The following FNDC3A variants were observed in gnomAD, a reference collection of about 807,000 sequenced individuals.
FNDC3A encodes fibronectin type III domain containing 3A.
FNDC3A carries 32 observed loss-of-function variants against 148.9 expected under a neutral mutation model. The ratio of observed to expected loss-of-function variants is 0.21; its 90% CI spans 0.16 to 0.29. The LOEUF (loss-of-function observed/expected upper bound fraction) is 0.29, where lower values mean the gene tolerates loss of function less well. Among genes scored for constraint, FNDC3A ranks in the 10% least tolerant of loss-of-function variants. The probability of loss-of-function intolerance (pLI) is 1.00; values close to 1 mark genes in which losing one functional copy is unlikely to be tolerated. For missense variants in FNDC3A, 1,191 were observed against 1,452.8 expected (o/e 0.82, Z 2.93); for synonymous variants, 472 against 473.6 (o/e 1.00, Z 0.04).
chr13:49,072,553 G>T (rs1345035094), intron 2 of FNDC3A, among the ~76,000 whole-genome samples: 1 of 151,894 alleles, frequency 6.6e-6, no homozygotes, highest in African/African-American at 2.4e-5. Flanking sequence ...TTCCTAGGTG[G>T]TTTCTTTTTT....
chr13:49,202,856 A>G (rs185411077), intron 24 of FNDC3A, among the ~76,000 whole-genome samples: 13 of 152,322 alleles, frequency 8.5e-5, no homozygotes, highest in Admixed American at 4.6e-4. Context: ...GAAATTTTGA[A>G]TCAGCTGGGC....
chr13:49,093,124 C>T (rs1173368096), intron 3 of FNDC3A, among the ~76,000 whole-genome samples: 2 of 152,010 alleles, frequency 1.3e-5, no homozygotes, highest in African/African-American at 4.8e-5. Context: ...TGTGTAGGCC[C>T]ACATCAGCCT....
chr13:49,136,314 G>A lies in FNDC3A; in HGVS notation c.491-18G>A, dbSNP rs1882352991. 1.9e-5 allele frequency: 30 copies of A among 1,594,382 alleles called. No homozygotes were observed. The highest frequency in any genetic ancestry group is 2.3e-5 in the Non-Finnish European group (27 of 1,167,974). ...GAGAAAGTGATCTTCTTAACATTTT[G>A]TTTTTATTGCCTCCTAGATGCTCAC... On this transcript the variant is annotated intron_variant, in intron 5 of 25. Coordinates refer to ENST00000492622, the MANE Select transcript of FNDC3A (RefSeq NM_001079673.2).
At chr13:49,176,709 G>C (rs1188597418) in intron 13 of FNDC3A, among the ~76,000 whole-genome samples, 1 of 152,192 alleles carries the variant, frequency 6.6e-6, no homozygotes, top group Non-Finnish European at 1.5e-5. Context: ...TCCTAATACA[G>C]TAAGTATTGC....
intron 2 of FNDC3A, among the ~76,000 whole-genome samples, chr13:49,025,517 C>A (rs956338463): frequency 6.6e-6 from 1 of 151,950 alleles, no homozygotes; most frequent in Non-Finnish European, 1.5e-5. Context: ...CACTTAATAG[C>A]CTATATACCT....
chr13:49,058,061 A>T lies in FNDC3A; in HGVS notation c.100-17228A>T, dbSNP rs367852964. On this transcript the variant is annotated intron_variant, in intron 2 of 25. Coordinates refer to ENST00000492622, the MANE Select transcript of FNDC3A (RefSeq NM_001079673.2). ...TAATATGGGTGGGCCCTAATCCTGT[A>T]GCAGGACAAGCCACAGACAAACCCC... 4.6e-5 allele frequency among the ~76,000 whole-genome samples: 7 copies of T among 152,298 alleles called. No homozygotes were observed. In the East Asian group the frequency reaches 1.2e-3, roughly 25 times the overall value.
intron 2 of FNDC3A, among the ~76,000 whole-genome samples, chr13:49,014,539 T>G (rs1184420472): frequency 4.8e-5 from 7 of 146,946 alleles, no homozygotes; most frequent in Non-Finnish European, 7.6e-5. Context: ...TTTCTCCCAT[T>G]TTGTAGGTTG....
chr13:49,054,152 G>C (rs1876057529), intron 2 of FNDC3A, among the ~76,000 whole-genome samples: 1 of 152,114 alleles, frequency 6.6e-6, no homozygotes, highest in Admixed American at 6.5e-5. Context: ...TAGTTTTTCA[G>C]GTTCAGTTGG....
intron 2 of FNDC3A, among the ~76,000 whole-genome samples, chr13:49,013,604 GTGTATACATGTGTACACGTGTATACA>G (rs1566190660): frequency 6.6e-6 from 1 of 151,314 alleles, no homozygotes; most frequent in Non-Finnish European, 1.5e-5. Context: ...AGATGTACAC[GTGTATACATGTGTACACGTGTATACA>G]TGTATACATG....
chr13:49,207,896 G>A lies in FNDC3A; in HGVS notation c.*501G>A, dbSNP rs1375715718. 1.3e-5 allele frequency: 2 copies of A among 152,692 alleles called. No individual in the cohort carries two copies. Among genetic ancestry groups the A allele is most frequent in the South Asian group, 2.1e-4 (1 of 4,816 alleles). 9.5% of individuals were successfully genotyped at this position (152,692 alleles called of 1,614,324 possible). On this transcript the variant is annotated 3_prime_UTR_variant, in exon 26 of 26. Coordinates refer to ENST00000492622, the MANE Select transcript of FNDC3A (RefSeq NM_001079673.2). ...TTTGTCTTAATTATTTGGTAAGTGG[G>A]ATTATGATGAGTAACTGGAGGGGCT...
At chr13:49,015,028 A>G (rs999453324) in intron 2 of FNDC3A, among the ~76,000 whole-genome samples, 1 of 152,066 alleles carries the variant, frequency 6.6e-6, no homozygotes, top group African/African-American at 2.4e-5. Flanking sequence ...GAAGTCAGGT[A>G]GCGTGATGCC....
At chr13:49,035,807 AGTT>A (rs1247324528) in intron 2 of FNDC3A, among the ~76,000 whole-genome samples, 1 of 152,102 alleles carries the variant, frequency 6.6e-6, no homozygotes, top group Non-Finnish European at 1.5e-5. Context: ...GACTCTTCTC[AGTT>A]GTTTGTCTAT....
rs146911009 is a variant in FNDC3A at position 49,159,476 on chromosome 13, G to C, written c.978-7768G>C. ...TTTTTGCACATTGATGTTGTATCCT[G>C]AGACTTTGCTGAAGTTGCTTATCAG... On this transcript the variant is annotated intron_variant, in intron 8 of 25. Transcript: ENST00000492622. Among the ~76,000 whole-genome samples, 694 of 152,328 alleles carry C rather than the reference G, an allele frequency of 4.6e-3. 6 individuals are homozygous for C. Among genetic ancestry groups the C allele is most frequent in the African/African-American group, 0.016 (670 of 41,570 alleles).
intron 25 of FNDC3A, among the ~76,000 whole-genome samples, chr13:49,206,076 G>GT (rs1886630889): frequency 6.6e-6 from 1 of 152,162 alleles, no homozygotes; most frequent in South Asian, 2.1e-4. Flanking sequence ...ATGAACCTTG[G>GT]TTTTCTCAAT....
chr13:49,145,658 C>G (rs953684408), intron 7 of FNDC3A, 120 bp from the exon 8 acceptor site: 2 of 762,510 alleles, frequency 2.6e-6, no homozygotes, highest in Non-Finnish European at 4.2e-6. Context: ...TATTTGTGAG[C>G]CATTTTATCT....
chr13:49,160,213 C>T (rs1379558583), intron 8 of FNDC3A, among the ~76,000 whole-genome samples: 1 of 152,080 alleles, frequency 6.6e-6, no homozygotes, highest in African/African-American at 2.4e-5. Context: ...CTCTTTATAC[C>T]TGTGGTAGAG....
intron 2 of FNDC3A, among the ~76,000 whole-genome samples, chr13:49,017,300 C>T (rs866618646): frequency 6.5e-4 from 99 of 152,218 alleles, no homozygotes; most frequent in African/African-American, 2.0e-3. Flanking sequence ...ATTGAGTGCA[C>T]ATATATTTAG....
intron 3 of FNDC3A, chr13:49,110,321 T>C: frequency 6.4e-7 from 1 of 1,561,328 alleles, no homozygotes; most frequent in Non-Finnish European, 8.6e-7. Context: ...AAAGCCGTTC[T>C]CCAATTAAAG....
At chr13:49,007,041 C>T (rs917958153) in intron 2 of FNDC3A, among the ~76,000 whole-genome samples, 1 of 152,024 alleles carries the variant, frequency 6.6e-6, no homozygotes, top group South Asian at 2.1e-4. Context: ...GGTAGGTACA[C>T]CTGCCCTTAT....
Sources: allele counts gnomAD v4.1 joint callset (sites outside exome capture counted in the v4.1 genomes callset), GRCh38; gene constraint gnomAD v4.1.1; transcripts MANE v1.5; gene names NCBI Gene and HGNC (gene_info 2026-07-23, HGNC 2026-07-21).